GALNT14: variants seen among roughly 807,000 people sequenced by gnomAD.
The protein encoded by GALNT14 is polypeptide N-acetylgalactosaminyltransferase 14.
In GALNT14, 60 loss-of-function variants were observed where a neutral mutation model predicts 77.5. The observed-to-expected ratio is 0.77, with a 90% CI of 0.63 to 0.96. The LOEUF (loss-of-function observed/expected upper bound fraction) is 0.96, where lower values mean the gene tolerates loss of function less well. Among genes scored for constraint, GALNT14 ranks in the 40% least tolerant of loss-of-function variants. GALNT14 has a pLI of 0.00. For synonymous variants in GALNT14, 280 were observed against 281.7 expected (o/e 0.99, Z 0.06); for missense variants, 710 against 731.0 (o/e 0.97, Z 0.33).
At chr2:31,013,298 T>A (rs1349398434) in intron 1 of GALNT14, among the ~76,000 whole-genome samples, 7 of 152,174 alleles carry the variant, frequency 4.6e-5, no homozygotes, top group Non-Finnish European at 7.3e-5. Flanking sequence ...TGAATAAAGA[T>A]CTGAGTCTGC....
chr2:31,137,670 C>A (rs1024495732), intron 1 of GALNT14, among the ~76,000 whole-genome samples: 1 of 152,156 alleles, frequency 6.6e-6, no homozygotes, highest in Non-Finnish European at 1.5e-5. Context: ...AGAGCCCCCT[C>A]CGCCCCGGGA....
At chr2:31,111,992 T>G (rs1677861691) in intron 1 of GALNT14, among the ~76,000 whole-genome samples, 1 of 147,710 alleles carries the variant, frequency 6.8e-6, no homozygotes, top group Non-Finnish European at 1.5e-5. Context: ...AACTGTGTAC[T>G]TGCTTTTTTT....
At chr2:31,019,478 T>A (rs1671585605) in intron 1 of GALNT14, among the ~76,000 whole-genome samples, 1 of 152,130 alleles carries the variant, frequency 6.6e-6, no homozygotes, top group Non-Finnish European at 1.5e-5. Flanking sequence ...ATGACCACTC[T>A]CTGAGAAGCT....
intron 1 of GALNT14, among the ~76,000 whole-genome samples, chr2:31,075,097 T>A (rs899692864): frequency 9.9e-5 from 15 of 152,222 alleles, no homozygotes; most frequent in African/African-American, 3.1e-4. Flanking sequence ...GAGCTCTCGC[T>A]CTGAGTTCAC....
rs549605115 is a variant in GALNT14 at position 31,015,787 on chromosome 2, G to A, written c.130-22780C>T. Among the ~76,000 whole-genome samples the A allele has an allele frequency of 5.8e-4, 89 of 152,320 alleles. 1 individual carries two copies. Among genetic ancestry groups the A allele is most frequent in the African/African-American group, 2.1e-3 (86 of 41,564 alleles). On this transcript the variant is annotated intron_variant, in intron 1 of 14. Transcript: ENST00000349752. The stretch of plus-strand genomic sequence containing the variant: ...TGGAGAGACATTCTACAAAACAACT[G>A]ACTAGAACTCTTCAGCGTGTCAAGG...
At chr2:30,924,940 G>T in intron 11 of GALNT14, 117 bp from the exon 12 acceptor site, 1 of 697,990 alleles carries the variant, frequency 1.4e-6, no homozygotes. Flanking sequence ...CATGCTCTGT[G>T]CTCACATCTC....
chr2:31,058,158 C>T (rs1674353633), intron 1 of GALNT14, among the ~76,000 whole-genome samples: 1 of 152,248 alleles, frequency 6.6e-6, no homozygotes, highest in Admixed American at 6.5e-5. Flanking sequence ...CCCTCAGTCA[C>T]ACCCACTGCC....
intron 3 of GALNT14, among the ~76,000 whole-genome samples, chr2:30,961,936 G>A (rs976911608): frequency 1.3e-5 from 2 of 152,032 alleles, no homozygotes; most frequent in African/African-American, 4.8e-5. Flanking sequence ...CAGGTGATCT[G>A]CACACCTTGG....
chr2:30,972,757 G>A (rs779515718), intron 2 of GALNT14, among the ~76,000 whole-genome samples: 39 of 152,210 alleles, frequency 2.6e-4, no homozygotes, highest in Admixed American at 1.4e-3. Context: ...CCGAAGAGGC[G>A]GTTTCTACTG....
At chr2:31,132,121 G>C (rs1380361259) in intron 1 of GALNT14, among the ~76,000 whole-genome samples, 1 of 152,178 alleles carries the variant, frequency 6.6e-6, no homozygotes, top group African/African-American at 2.4e-5. Flanking sequence ...ACCTGGGGGA[G>C]AGAGTGGGCT....
chr2:30,969,663 G>A (rs1303612605), intron 2 of GALNT14, among the ~76,000 whole-genome samples: 2 of 152,186 alleles, frequency 1.3e-5, no homozygotes, highest in Non-Finnish European at 2.9e-5. Flanking sequence ...ATGGGGCACA[G>A]AATTCCAGTC....
intron 1 of GALNT14, among the ~76,000 whole-genome samples, chr2:31,030,951 T>C (rs1672370333): frequency 2.0e-5 from 3 of 152,184 alleles, no homozygotes; most frequent in Non-Finnish European, 4.4e-5. Context: ...AGGATTTTGA[T>C]AGCCCCAGCT....
intron 2 of GALNT14, among the ~76,000 whole-genome samples, chr2:30,989,560 T>TATATATATATATATATATATATA (rs1669525579): frequency 2.3e-4 from 20 of 87,094 alleles, no homozygotes; most frequent in African/African-American, 9.2e-4. Flanking sequence ...GGTAAATACC[T>TATATATATATATATATATATATA]TATATATATA....
intron 2 of GALNT14, among the ~76,000 whole-genome samples, chr2:30,969,632 A>G (rs959315575): frequency 3.9e-5 from 6 of 152,142 alleles, no homozygotes; most frequent in Admixed American, 3.9e-4. Flanking sequence ...ATGGGGGTAA[A>G]GTAGGGAGGG....
intron 2 of GALNT14, among the ~76,000 whole-genome samples, chr2:30,967,373 T>C (rs1668074328): frequency 6.6e-6 from 1 of 152,206 alleles, no homozygotes; most frequent in African/African-American, 2.4e-5. Flanking sequence ...CTAATGGCCC[T>C]GGTGTCATGT....
chr2:31,084,907 C>A (rs1171779312), intron 1 of GALNT14, among the ~76,000 whole-genome samples: 1 of 152,092 alleles, frequency 6.6e-6, no homozygotes, highest in Non-Finnish European at 1.5e-5. Context: ...CACCTGTAAT[C>A]CCAGCTACTC....
intron 2 of GALNT14, among the ~76,000 whole-genome samples, chr2:30,984,853 G>A (rs553248787): frequency 5.1e-4 from 77 of 152,310 alleles, no homozygotes; most frequent in African/African-American, 1.8e-3. Context: ...CCTAACTCCT[G>A]TGCTGTGCTG....
At position 30,910,604 on chromosome 2, in the gene GALNT14, G is replaced by A. The variant is rs1266391876; in HGVS notation, c.*297C>T. 1 of 289,214 alleles carries A rather than the reference G, an allele frequency of 3.5e-6. No individual in the cohort carries two copies. Among genetic ancestry groups the A allele is most frequent in the Non-Finnish European group, 6.4e-6 (1 of 156,930 alleles). 17.9% of individuals were successfully genotyped at this position (289,214 alleles called of 1,614,324 possible). ...AGAGACTGCTTCCTTTGTAGGAAAA[G>A]GAACAATAAACACTTCCCATTAGGT... On this transcript the variant is annotated 3_prime_UTR_variant, in exon 15 of 15. Transcript: ENST00000349752.
intron 9 of GALNT14, among the ~76,000 whole-genome samples, chr2:30,934,598 C>A (rs1665943122): frequency 6.6e-6 from 1 of 152,150 alleles, no homozygotes; most frequent in Non-Finnish European, 1.5e-5. Context: ...TATGATCCCT[C>A]CTCCCAGCTC....
Sources: gnomAD v4.1 joint callset for allele counts (sites outside exome capture counted in the v4.1 genomes callset) on GRCh38, gnomAD v4.1.1 for gene constraint, MANE v1.5 for transcripts, NCBI Gene and HGNC (gene_info 2026-07-23, HGNC 2026-07-21) for gene names.